Variants in ANXA8 observed in about 807,000 individuals in gnomAD.
The protein encoded by ANXA8 is VAC-beta.
In ANXA8, 9 loss-of-function variants were observed where a neutral mutation model predicts 26.8. The ratio of observed to expected loss-of-function variants is 0.34; its 90% CI spans 0.20 to 0.59. The LOEUF (loss-of-function observed/expected upper bound fraction) is 0.59. ANXA8 is among the 20% of genes least tolerant of loss of function. The pLI is 0.84. For synonymous variants in ANXA8, 39 were observed against 94.8 expected, an observed-to-expected ratio of 0.41 and a Z score of 3.42; for missense variants, 83 against 238.5, an observed-to-expected ratio of 0.35 and a Z score of 4.29.
chr10:47,764,086 G>A, the ANXA8 span, among the ~76,000 whole-genome samples: 1 of 151,612 alleles, frequency 6.6e-6, no homozygotes, highest in Non-Finnish European at 1.5e-5. Flanking sequence ...GGCGGTGGGG[G>A]CATGAGAAGG....
chr10:47,682,210 G>A, the ANXA8 span, among the ~76,000 whole-genome samples: 195 of 132,426 alleles, frequency 1.5e-3, 1 homozygote, highest in African/African-American at 5.4e-3. Context: ...GGAAAACTGA[G>A]CAATGTTTCC....
At chr10:47,595,467 G>T in the ANXA8 span, among the ~76,000 whole-genome samples, 1 of 148,844 alleles carries the variant, frequency 6.7e-6, no homozygotes, top group Non-Finnish European at 1.5e-5. Context: ...ATACAGTGGC[G>T]AATTGGAATA....
At chr10:47,699,270 C>T in the ANXA8 span, among the ~76,000 whole-genome samples, 1 of 142,122 alleles carries the variant, frequency 7.0e-6, no homozygotes, top group Admixed American at 7.2e-5. Context: ...ATTGCCTGAA[C>T]CTAGGAGGTG....
At chr10:47,695,202 T>C in the ANXA8 span, among the ~76,000 whole-genome samples, 106 of 151,692 alleles carry the variant, frequency 7.0e-4, 1 homozygote, top group African/African-American at 2.5e-3. Context: ...GTAAGTCACC[T>C]GAACTCATTA....
the ANXA8 span, chr10:47,491,503 C>T: frequency 1.7e-5 from 13 of 764,330 alleles, no homozygotes; most frequent in Non-Finnish European, 2.2e-5. Context: ...GCCAAGGCCT[C>T]CCCGCAGGTC....
At chr10:47,691,052 T>C in the ANXA8 span, 2 of 1,610,608 alleles carry the variant, frequency 1.2e-6, no homozygotes, top group South Asian at 1.1e-5. Context: ...CATGGTGCTA[T>C]CTCCATGCCA....
At chr10:47,658,678 A>T in the ANXA8 span, among the ~76,000 whole-genome samples, 14 of 137,488 alleles carry the variant, frequency 1.0e-4, no homozygotes, top group African/African-American at 4.4e-4. Flanking sequence ...AGCACTAGTG[A>T]TAGGTATTAA....
At chr10:47,506,705 T>C in the ANXA8 span, among the ~76,000 whole-genome samples, 1 of 143,848 alleles carries the variant, frequency 7.0e-6, no homozygotes, top group East Asian at 2.8e-4. Context: ...AATGGCACGA[T>C]CTCAGCTCTC....
At chr10:47,659,758 T>C in the ANXA8 span, among the ~76,000 whole-genome samples, 12 of 151,772 alleles carry the variant, frequency 7.9e-5, no homozygotes, top group African/African-American at 2.9e-4. Flanking sequence ...CTTTTTAATT[T>C]TAATTTTTTA....
chr10:47,624,391 GCTTT>G, the ANXA8 span, among the ~76,000 whole-genome samples: 1 of 125,646 alleles, frequency 8.0e-6, no homozygotes, highest in African/African-American at 2.8e-5. Context: ...GTTTTTGGCT[GCTTT>G]CTGTCTATAT....
the ANXA8 span, among the ~76,000 whole-genome samples, chr10:47,740,932 G>A: frequency 5.3e-5 from 8 of 151,738 alleles, no homozygotes; most frequent in Non-Finnish European, 1.0e-4. Context: ...CTGCCAAACA[G>A]TGCTCCAAAG....
At chr10:47,658,445 G>A in the ANXA8 span, among the ~76,000 whole-genome samples, 1 of 149,714 alleles carries the variant, frequency 6.7e-6, no homozygotes, top group Non-Finnish European at 1.5e-5. Flanking sequence ...ATTTACTACT[G>A]GATGCCTGTT....
the ANXA8 span, among the ~76,000 whole-genome samples, chr10:47,646,604 T>C: frequency 1.3e-4 from 20 of 148,304 alleles, no homozygotes; most frequent in African/African-American, 4.8e-4. Flanking sequence ...ATTTTTACAA[T>C]ATGACCCTTT....
At chr10:47,777,806 A>G in the ANXA8 span, among the ~76,000 whole-genome samples, 2 of 151,752 alleles carry the variant, frequency 1.3e-5, no homozygotes, top group Non-Finnish European at 2.9e-5. Context: ...TTTTTTAGAG[A>G]GAAGGTCTTG....
the ANXA8 span, among the ~76,000 whole-genome samples, chr10:47,574,217 G>A: frequency 3.4e-5 from 2 of 58,348 alleles, no homozygotes; most frequent in East Asian, 5.6e-4. Context: ...CAGGGTTCAA[G>A]TGATTCTCCT....
chr10:47,959,323 G>A, the ANXA8 span, among the ~76,000 whole-genome samples: 3 of 147,376 alleles, frequency 2.0e-5, no homozygotes, highest in Non-Finnish European at 3.0e-5. Context: ...TCCCTGCTTT[G>A]AGAAAAGGAA....
At chr10:47,720,247 T>A in the ANXA8 span, among the ~76,000 whole-genome samples, 7 of 144,906 alleles carry the variant, frequency 4.8e-5, no homozygotes, top group Non-Finnish European at 9.0e-5. Flanking sequence ...TAGGAATTTC[T>A]TAAAGATAGG....
At chr10:47,918,435 G>GAAAGAAAGAAAGAA in the ANXA8 span, among the ~76,000 whole-genome samples, 1 of 35,076 alleles carries the variant, frequency 2.9e-5, no homozygotes, top group Non-Finnish European at 5.9e-5. Flanking sequence ...GAAAGAAAGA[G>GAAAGAAAGAAAGAA]AGAGAGAAAG....
the ANXA8 span, among the ~76,000 whole-genome samples, chr10:47,682,736 C>G: frequency 1.4e-4 from 22 of 152,060 alleles, no homozygotes; most frequent in African/African-American, 4.3e-4. Context: ...TCCCAAAGTG[C>G]TGGGATTACA....
Sources: gnomAD v4.1 joint callset for allele counts (sites outside exome capture counted in the v4.1 genomes callset) on GRCh38, gnomAD v4.1.1 for gene constraint, MANE v1.5 for transcripts, NCBI Gene and HGNC (gene_info 2026-07-23, HGNC 2026-07-21) for gene names.